PTPN3: variants seen among roughly 807,000 people sequenced by gnomAD.
The protein encoded by PTPN3 is tyrosine-protein phosphatase non-receptor type 3.
In PTPN3, 96 loss-of-function variants were observed where a neutral mutation model predicts 132.7. The observed-to-expected ratio is 0.72, with a 90% CI of 0.61 to 0.86. PTPN3 has a LOEUF of 0.86. Among genes scored for constraint, PTPN3 ranks in the 40% least tolerant of loss-of-function variants. The pLI, the probability that PTPN3 is intolerant of heterozygous loss-of-function variation, is 0.00. For synonymous variants in PTPN3, 398 were observed against 429.0 expected (o/e 0.93, Z 0.89); for missense variants, 1,125 against 1,159.6 (o/e 0.97, Z 0.43).
Position 109,404,501 on chromosome 9 carries a change from T to A in PTPN3, c.1900A>T (p.Met634Leu), listed in dbSNP as rs1228819752. ...TCGAGGCCCTTCTTTAGCTGTGCCA[T>A]GGATCCCTCCAAAGTGTCCCCACCC... ...PEGGDTLEGS[M>L]AQLKKGLESG... Residue 634 changes from methionine to leucine, a missense_variant, in exon 19 of 26, where the codon ATG becomes TTG. Physicochemically the swap from Met to Leu is conservative, Grantham distance 15. Transcript: ENST00000374541. The A allele has an allele frequency of 6.4e-7, 1 of 1,554,876 alleles. No homozygotes were observed. The highest frequency in any genetic ancestry group is 1.2e-5 in the South Asian group (1 of 80,578).
At chr9:109,508,089 C>G in the PTPN3 span, among the ~76,000 whole-genome samples, 5 of 152,108 alleles carry the variant, frequency 3.3e-5, no homozygotes, top group African/African-American at 1.2e-4. Context: ...GAAACTGCCT[C>G]TTCCCCGATT....
chr9:109,409,903 GT>G (rs1841940324), intron 16 of PTPN3, 95 bp downstream of exon 16: 1 of 1,504,136 alleles, frequency 6.6e-7, no homozygotes, highest in Admixed American at 2.2e-5. Context: ...ACTTCCTTAT[GT>G]AGCTCAGGAA....
At chr9:109,439,680 G>A (rs1844313432) in intron 7 of PTPN3, among the ~76,000 whole-genome samples, 1 of 152,156 alleles carries the variant, frequency 6.6e-6, no homozygotes, top group South Asian at 2.1e-4. Context: ...AGGCCAAGGC[G>A]GGTGGATCAC....
the PTPN3 span, among the ~76,000 whole-genome samples, chr9:109,528,255 CT>C: frequency 3.1e-4 from 47 of 152,126 alleles, no homozygotes; most frequent in African/African-American, 1.1e-3. Context: ...CAAATGAGTT[CT>C]AATGTTCAGC....
intron 1 of PTPN3, among the ~76,000 whole-genome samples, chr9:109,468,202 A>G (rs574668247): frequency 2.4e-4 from 36 of 152,202 alleles, no homozygotes; most frequent in Non-Finnish European, 4.4e-4. Context: ...CCAACCAGGA[A>G]CATGCTGGCC....
intron 5 of PTPN3, chr9:109,450,418 C>T (rs536696878): frequency 3.0e-6 from 3 of 984,472 alleles, no homozygotes; most frequent in African/African-American, 1.7e-5. Flanking sequence ...CAATGGTGAA[C>T]CCGGGCTTTC....
the PTPN3 span, among the ~76,000 whole-genome samples, chr9:109,505,542 G>A: frequency 2.6e-5 from 4 of 152,316 alleles, no homozygotes; most frequent in Non-Finnish European, 4.4e-5. Context: ...GCCTCCCAAA[G>A]TGTTGGGATT....
intron 17 of PTPN3, among the ~76,000 whole-genome samples, chr9:109,406,822 C>T (rs981597877): frequency 6.6e-6 from 1 of 152,130 alleles, no homozygotes; most frequent in Non-Finnish European, 1.5e-5. Context: ...AAGTACTGCT[C>T]AGAATATAAG....
At chr9:109,419,441 A>G (rs1842744654) in intron 14 of PTPN3, among the ~76,000 whole-genome samples, 2 of 152,224 alleles carry the variant, frequency 1.3e-5, no homozygotes, top group Admixed American at 6.5e-5. Context: ...ACTATATTTT[A>G]GAAATAGTAT....
At chr9:109,396,246 G>A (rs974501964) in intron 19 of PTPN3, among the ~76,000 whole-genome samples, 7 of 152,316 alleles carry the variant, frequency 4.6e-5, no homozygotes, top group Middle Eastern at 3.4e-3. Flanking sequence ...CTGAGAAGGC[G>A]GAGGGACAGA....
intron 10 of PTPN3, among the ~76,000 whole-genome samples, chr9:109,432,110 A>T (rs1419281743): frequency 6.7e-6 from 1 of 149,384 alleles, no homozygotes; most frequent in East Asian, 1.9e-4. Context: ...CATTAATATT[A>T]TATATATTAT....
At position 109,472,472 on chromosome 9, in the gene PTPN3, G is replaced by A. The variant is rs79997777; in HGVS notation, c.-17-9021C>T. Among the ~76,000 whole-genome samples the A allele has an allele frequency of 6.9e-3, 1,055 of 152,126 alleles. 9 individuals are homozygous for A. The highest frequency in any genetic ancestry group is 0.022 in the African/African-American group (912 of 41,506). Reference sequence around the variant, plus strand: ...CCATCATTTTTATTTTTTTGCGAACGTTCTTAATGAAATTCAGCCCAACTA... The same window carrying A: ...CCATCATTTTTATTTTTTTGCGAACATTCTTAATGAAATTCAGCCCAACTA... On this transcript the variant is annotated intron_variant, in intron 1 of 25. Transcript: ENST00000374541.
chr9:109,537,940 G>A, the PTPN3 span, among the ~76,000 whole-genome samples: 3 of 152,224 alleles, frequency 2.0e-5, no homozygotes, highest in Non-Finnish European at 4.4e-5. Context: ...TCATAGAAGT[G>A]TAGTTTAAGC....
At chr9:109,453,802 G>A (rs996267972) in intron 5 of PTPN3, among the ~76,000 whole-genome samples, 1 of 151,076 alleles carries the variant, frequency 6.6e-6, no homozygotes, top group Admixed American at 6.6e-5. Flanking sequence ...TTGAGGTCAG[G>A]AGTTTGAGAC....
intron 1 of PTPN3, among the ~76,000 whole-genome samples, chr9:109,468,873 G>C (rs1196992707): frequency 1.3e-5 from 2 of 152,254 alleles, no homozygotes; most frequent in Non-Finnish European, 2.9e-5. Context: ...GCTGTCTACA[G>C]ATTCCAGATT....
At chr9:109,428,074 A>G (rs1843404927) in intron 11 of PTPN3, among the ~76,000 whole-genome samples, 1 of 152,202 alleles carries the variant, frequency 6.6e-6, no homozygotes, top group African/African-American at 2.4e-5. Context: ...CAGTTTCAAC[A>G]CATCATGGGA....
intron 5 of PTPN3, chr9:109,449,221 G>T: frequency 1.9e-6 from 2 of 1,048,230 alleles, no homozygotes; most frequent in Non-Finnish European, 2.3e-6. Context: ...CAGGGGCTCT[G>T]CACAAGCGGC....
At chr9:109,510,558 TA>T in the PTPN3 span, among the ~76,000 whole-genome samples, 664 of 74,090 alleles carry the variant, frequency 9.0e-3, 12 homozygotes, top group African/African-American at 0.026. Context: ...AACTTTGTCT[TA>T]AAAAAAAAAA....
Position 109,438,117 on chromosome 9 carries a change from T to C in PTPN3, c.584A>G (p.His195Arg). 1 of 1,613,652 alleles carries C rather than the reference T, an allele frequency of 6.2e-7. No homozygotes were observed. The highest frequency in any genetic ancestry group is 2.2e-5 in the East Asian group (1 of 44,872). The change falls in exon 8 of 26, where the codon CAC (histidine) becomes CGC (arginine). Residue 195 changes from histidine to arginine, a missense_variant. Physicochemically the swap from His to Arg is conservative, Grantham distance 29. Transcript: ENST00000374541. Reference protein sequence around the residue: ...LTKVESLHEQHSGLKQSEAES... With the variant: ...LTKVESLHEQRSGLKQSEAES... ...AGGCCACCCCAGCCCCCCTCACCTG[T>C]GCTGCTCATGCAGAGATTCGACTTT...
Sources: allele counts gnomAD v4.1 joint callset (sites outside exome capture counted in the v4.1 genomes callset), GRCh38; gene constraint gnomAD v4.1.1; transcripts MANE v1.5; gene names NCBI Gene and HGNC (gene_info 2026-07-23, HGNC 2026-07-21).